The following PARL variants were observed in gnomAD, a reference collection of about 807,000 sequenced individuals.
The protein encoded by PARL is presenilin-associated rhomboid-like protein, mitochondrial.
A neutral mutation model predicts 51.6 loss-of-function variants in PARL; 44 were observed. The observed-to-expected ratio is 0.85, with a 90% CI of 0.67 to 1.10. PARL has a LOEUF of 1.10. PARL is among the 50% of genes least tolerant of loss of function. The pLI is 0.00. For synonymous variants in PARL, 172 were observed against 164.0 expected, an observed-to-expected ratio of 1.05 and a Z score of -0.37; for missense variants, 441 against 469.5, an observed-to-expected ratio of 0.94 and a Z score of 0.56.
intron 4 of PARL, among the ~76,000 whole-genome samples, chr3:183,855,967 C>CAAAAAAAAA (rs199686416): frequency 5.0e-4 from 62 of 124,148 alleles, no homozygotes; most frequent in Middle Eastern, 4.5e-3. Context: ...AAAAAATAAA[C>CAAAAAAAAA]AAACAAAAAA....
At chr3:183,836,280 A>T (rs1728579984) in intron 7 of PARL, among the ~76,000 whole-genome samples, 1 of 150,874 alleles carries the variant, frequency 6.6e-6, no homozygotes. Flanking sequence ...ACTATTCCAT[A>T]GATGATTATT....
At chr3:183,850,223 T>TG (rs1429754971) in intron 4 of PARL, among the ~76,000 whole-genome samples, 1 of 152,204 alleles carries the variant, frequency 6.6e-6, no homozygotes, top group Non-Finnish European at 1.5e-5. Flanking sequence ...AGGTGTAAAG[T>TG]GTCAGCAGGG....
rs1367643906 is a variant in PARL at position 183,882,316 on chromosome 3, CACACATATAT to C, written c.125+2396_125+2405del. Among the ~76,000 whole-genome samples, 37 of 96,134 alleles carry C rather than the reference CACACATATAT, an allele frequency of 3.8e-4. 1 individual carries two copies. Among genetic ancestry groups the C allele is most frequent in the South Asian group, 1.0e-3 (3 of 2,956 alleles). 63.1% of individuals were successfully genotyped at this position (96,134 alleles called of 152,430 possible). On this transcript the variant is annotated intron_variant, in intron 1 of 9. Coordinates refer to ENST00000317096, the MANE Select transcript of PARL (RefSeq NM_018622.7). Reference sequence around the variant, plus strand: ...ACATATATATACACACACATATATACACACATATATACACATATATACACACACATATATA... The same window carrying C: ...ACATATATATACACACACATATATACACACATATATACACACACATATATA...
chr3:183,878,484 A>C (rs1274456477), intron 1 of PARL, among the ~76,000 whole-genome samples: 1 of 152,168 alleles, frequency 6.6e-6, no homozygotes, highest in African/African-American at 2.4e-5. Context: ...AGTCTAGAGC[A>C]GTAATTCTCA....
At position 183,884,421 on chromosome 3, in the gene PARL, AAC is replaced by A. The variant is rs141381656; in HGVS notation, c.125+299_125+300del. 9.2e-3 allele frequency among the ~76,000 whole-genome samples: 1,397 copies of A among 152,302 alleles called. 10 individuals carry two copies. The highest frequency in any genetic ancestry group is 0.032 in the African/African-American group (1,342 of 41,554). On this transcript the variant is annotated intron_variant, in intron 1 of 9. Coordinates refer to ENST00000317096, the MANE Select transcript of PARL (RefSeq NM_018622.7). ...ACTTCTTCACTTCAGAAACTGGCTC[AAC>A]AGTTTCCACTCGCGATTATGAAGTG...
chr3:183,850,382 T>G (rs1324993044), intron 4 of PARL, among the ~76,000 whole-genome samples: 2 of 152,222 alleles, frequency 1.3e-5, no homozygotes. Flanking sequence ...TTTCTGTATT[T>G]TTCTTTGTCC....
chr3:183,842,782 T>G (rs1425760179), intron 5 of PARL, among the ~76,000 whole-genome samples: 2 of 109,902 alleles, frequency 1.8e-5, no homozygotes, highest in Non-Finnish European at 3.4e-5. Flanking sequence ...CACTCCAGCC[T>G]GGGCCATAGA....
At chr3:183,838,499 G>A (rs144875270) in intron 7 of PARL, among the ~76,000 whole-genome samples, 6 of 152,116 alleles carry the variant, frequency 3.9e-5, no homozygotes, top group Non-Finnish European at 7.4e-5. Context: ...AGATATTTGG[G>A]GATAATGTTA....
chr3:183,876,641 A>AAG (rs1345927770), intron 1 of PARL, among the ~76,000 whole-genome samples: 2 of 113,142 alleles, frequency 1.8e-5, no homozygotes, highest in Non-Finnish European at 3.7e-5. Context: ...AAAAAAAAGA[A>AAG]AAAGAAAAAG....
intron 4 of PARL, among the ~76,000 whole-genome samples, chr3:183,845,643 T>C (rs1446572048): frequency 6.6e-6 from 1 of 152,134 alleles, no homozygotes; most frequent in African/African-American, 2.4e-5. Context: ...CACAAGGCAA[T>C]GAAGAGCGAA....
chr3:183,829,767 A>T, intron 9 of PARL, 58 bp from the exon 10 acceptor site: 1 of 1,366,984 alleles, frequency 7.3e-7, no homozygotes, highest in Non-Finnish European at 1.0e-6. Flanking sequence ...AATGGTAAGT[A>T]GCATGGTGAC....
intron 9 of PARL, among the ~76,000 whole-genome samples, chr3:183,832,222 CTT>C (rs879877473): frequency 1.4e-4 from 20 of 142,748 alleles, no homozygotes; most frequent in South Asian, 2.2e-4. Context: ...ATAGATTTTT[CTT>C]TTTTTTTTTT....
At chr3:183,863,730 C>T (rs1482750937) in intron 3 of PARL, among the ~76,000 whole-genome samples, 5 of 152,068 alleles carry the variant, frequency 3.3e-5, no homozygotes, top group African/African-American at 9.7e-5. Context: ...TGAGCCGCCC[C>T]GGCCGATTCC....
intron 1 of PARL, among the ~76,000 whole-genome samples, chr3:183,875,026 T>A (rs776133808): frequency 6.6e-6 from 1 of 152,190 alleles, no homozygotes; most frequent in Non-Finnish European, 1.5e-5. Flanking sequence ...GAGCTACAAA[T>A]GCATTGCTGC....
chr3:183,875,015 T>G (rs982809339), intron 1 of PARL, among the ~76,000 whole-genome samples: 9 of 152,184 alleles, frequency 5.9e-5, no homozygotes, highest in African/African-American at 1.9e-4. Context: ...AAGGTTGCAG[T>G]GAGCTACAAA....
At chr3:183,846,923 C>T (rs1730018879) in intron 4 of PARL, among the ~76,000 whole-genome samples, 1 of 152,190 alleles carries the variant, frequency 6.6e-6, no homozygotes, top group Non-Finnish European at 1.5e-5. Flanking sequence ...AATTCAGTGG[C>T]CAAGCCAGAA....
intron 7 of PARL, among the ~76,000 whole-genome samples, chr3:183,836,350 T>C: frequency 6.6e-6 from 1 of 152,182 alleles, no homozygotes; most frequent in East Asian, 1.9e-4. Flanking sequence ...CTGGTTTTTT[T>C]GTGATTATAA....
At chr3:183,869,391 A>T (rs988935956) in intron 1 of PARL, among the ~76,000 whole-genome samples, 2 of 152,070 alleles carry the variant, frequency 1.3e-5, no homozygotes, top group Non-Finnish European at 2.9e-5. Flanking sequence ...TATTTTTAGT[A>T]GATATGGGGT....
chr3:183,828,427 G>A (rs1013412748), downstream of PARL, among the ~76,000 whole-genome samples: 8 of 152,210 alleles, frequency 5.3e-5, no homozygotes, highest in Non-Finnish European at 2.9e-5. Context: ...CACGTGTGCC[G>A]TTTCCTCGCT....
Sources: gnomAD v4.1 joint callset for allele counts (sites outside exome capture counted in the v4.1 genomes callset) on GRCh38, gnomAD v4.1.1 for gene constraint, MANE v1.5 for transcripts, NCBI Gene and HGNC (gene_info 2026-07-23, HGNC 2026-07-21) for gene names.